Variants in ATF6 observed in about 807,000 individuals in gnomAD.
ATF6 encodes the protein activating transcription factor 6.
Under a neutral mutation model 83.6 loss-of-function variants are expected in ATF6, and 53 were observed. The ratio of observed to expected loss-of-function variants is 0.63; its 90% CI spans 0.51 to 0.80. ATF6 has a LOEUF of 0.80. ATF6 is among the 30% of genes least tolerant of loss of function. The probability of loss-of-function intolerance (pLI) is 0.00; values close to 1 mark genes in which losing one functional copy is unlikely to be tolerated. For missense variants in ATF6, 744 were observed against 797.9 expected (o/e 0.93, Z 0.81); for synonymous variants, 288 against 285.8 (o/e 1.01, Z -0.08).
At chr1:161,893,063 T>A (rs1437461896) in intron 14 of ATF6, among the ~76,000 whole-genome samples, 2 of 152,274 alleles carry the variant, frequency 1.3e-5, no homozygotes, top group Non-Finnish European at 1.5e-5. Context: ...TTTCCAGATT[T>A]CATTTGCAGG....
At chr1:161,899,701 C>G (rs1170971399) in intron 14 of ATF6, among the ~76,000 whole-genome samples, 1 of 152,126 alleles carries the variant, frequency 6.6e-6, no homozygotes, top group Non-Finnish European at 1.5e-5. Flanking sequence ...ACTCCACTGC[C>G]TTATTCCTCT....
At chr1:161,834,491 TG>T (rs1484212232) in intron 9 of ATF6, among the ~76,000 whole-genome samples, 3 of 151,890 alleles carry the variant, frequency 2.0e-5, no homozygotes, top group African/African-American at 7.3e-5. Context: ...TGGATGAAAC[TG>T]GAAACTATCA....
At chr1:161,818,690 T>A (rs992850185) in intron 7 of ATF6, among the ~76,000 whole-genome samples, 5 of 152,346 alleles carry the variant, frequency 3.3e-5, no homozygotes, top group African/African-American at 1.2e-4. Flanking sequence ...GGAAACATGT[T>A]AGACATGTAT....
chr1:161,877,816 G>T (rs532819052), intron 14 of ATF6, among the ~76,000 whole-genome samples: 2 of 152,178 alleles, frequency 1.3e-5, no homozygotes, highest in South Asian at 4.1e-4. Flanking sequence ...AGTGATGAAT[G>T]GATTCTAAAT....
intron 15 of ATF6, among the ~76,000 whole-genome samples, chr1:161,956,743 A>G (rs1688974416): frequency 6.6e-6 from 1 of 152,236 alleles, no homozygotes; most frequent in Non-Finnish European, 1.5e-5. Flanking sequence ...AATGAAGACT[A>G]TTTTAAACAT....
chr1:161,879,223 T>G (rs1416156211), intron 14 of ATF6, among the ~76,000 whole-genome samples: 1 of 152,124 alleles, frequency 6.6e-6, no homozygotes, highest in African/African-American at 2.4e-5. Flanking sequence ...TGTCATCAGC[T>G]GAAAGTAAGG....
At chr1:161,784,876 C>G (rs1187542731) in intron 4 of ATF6, among the ~76,000 whole-genome samples, 1 of 152,174 alleles carries the variant, frequency 6.6e-6, no homozygotes, top group Non-Finnish European at 1.5e-5. Flanking sequence ...CCTTACAACT[C>G]CTCAAACCTT....
At chr1:161,867,023 G>C (rs910986638) in intron 14 of ATF6, among the ~76,000 whole-genome samples, 1 of 152,070 alleles carries the variant, frequency 6.6e-6, no homozygotes, top group Non-Finnish European at 1.5e-5. Flanking sequence ...GGCCAGGCGC[G>C]GTGACTCACG....
At chr1:161,823,894 A>G (rs1473925573) in intron 9 of ATF6, among the ~76,000 whole-genome samples, 1 of 152,162 alleles carries the variant, frequency 6.6e-6, no homozygotes, top group African/African-American at 2.4e-5. Flanking sequence ...CCATCTTTTG[A>G]TAGGCAGCTA....
chr1:161,851,869 G>T (rs375908878), intron 11 of ATF6, 34 bp downstream of exon 11: 243 of 1,526,502 alleles, frequency 1.6e-4, no homozygotes, highest in Middle Eastern at 8.5e-4. Flanking sequence ...AAACATCTGA[G>T]TTGGTTCCCA....
At chr1:161,917,163 C>T (rs1688117384) in intron 15 of ATF6, among the ~76,000 whole-genome samples, 1 of 152,170 alleles carries the variant, frequency 6.6e-6, no homozygotes, top group African/African-American at 2.4e-5. Flanking sequence ...GCTGAGCTGC[C>T]AGTTAAGTGC....
intron 14 of ATF6, among the ~76,000 whole-genome samples, chr1:161,878,545 G>A (rs574795981): frequency 6.6e-6 from 1 of 151,862 alleles, no homozygotes; most frequent in East Asian, 1.9e-4. Flanking sequence ...GCAAAGGACG[G>A]TTCAGGACCA....
chr1:161,849,511 C>A (rs1392960922), intron 10 of ATF6, among the ~76,000 whole-genome samples: 1 of 152,128 alleles, frequency 6.6e-6, no homozygotes, highest in Non-Finnish European at 1.5e-5. Flanking sequence ...TCTTACTTGC[C>A]CTTTCCTCAG....
At chr1:161,773,138 G>GTTTTTTTTTTTTTT (rs1170525204) in intron 1 of ATF6, among the ~76,000 whole-genome samples, 4 of 125,152 alleles carry the variant, frequency 3.2e-5, no homozygotes, top group African/African-American at 1.3e-4. Flanking sequence ...GCTACTTTTT[G>GTTTTTTTTTTTTTT]TATTTTTTTT....
At chr1:161,856,370 C>A (rs963290533) in intron 12 of ATF6, among the ~76,000 whole-genome samples, 1 of 152,140 alleles carries the variant, frequency 6.6e-6, no homozygotes, top group African/African-American at 2.4e-5. Context: ...GTCACATGTA[C>A]CCCAAAGTCC....
At chr1:161,809,166 G>T (rs1339578511) in intron 7 of ATF6, among the ~76,000 whole-genome samples, 1 of 152,116 alleles carries the variant, frequency 6.6e-6, no homozygotes, top group Non-Finnish European at 1.5e-5. Context: ...TTTACATTAG[G>T]TATATCTCCT....
At chr1:161,922,416 A>G (rs976769755) in intron 15 of ATF6, among the ~76,000 whole-genome samples, 3 of 152,152 alleles carry the variant, frequency 2.0e-5, no homozygotes, top group African/African-American at 7.2e-5. Flanking sequence ...TGCTGGAGAT[A>G]CCAACATAGA....
intron 9 of ATF6, among the ~76,000 whole-genome samples, chr1:161,835,526 A>G (rs1686192609): frequency 6.6e-6 from 1 of 152,158 alleles, no homozygotes; most frequent in African/African-American, 2.4e-5. Context: ...CTTTCTTCCT[A>G]TACATTGTTT....
At chr1:161,928,038 G>A (rs1688352553) in intron 15 of ATF6, among the ~76,000 whole-genome samples, 1 of 152,076 alleles carries the variant, frequency 6.6e-6, no homozygotes, top group Non-Finnish European at 1.5e-5. Context: ...CACCATTTAT[G>A]TTAAGTATAT....
Sources: gnomAD v4.1 joint callset for allele counts (sites outside exome capture counted in the v4.1 genomes callset) on GRCh38, gnomAD v4.1.1 for gene constraint, MANE v1.5 for transcripts, NCBI Gene and HGNC (gene_info 2026-07-23, HGNC 2026-07-21) for gene names.